The following PRDM5 variants were observed in gnomAD, a reference collection of about 807,000 sequenced individuals.
PRDM5 encodes PR domain zinc finger protein 5.
A neutral mutation model predicts 81.2 loss-of-function variants in PRDM5; 56 were observed. That is an observed-to-expected ratio of 0.69 (90% CI 0.56 to 0.86). The LOEUF (loss-of-function observed/expected upper bound fraction) is 0.86. PRDM5 is among the 40% of genes least tolerant of loss of function. PRDM5 has a pLI of 0.00. For missense variants in PRDM5, 697 were observed against 770.1 expected (o/e 0.91, Z 1.12); for synonymous variants, 267 against 256.4 (o/e 1.04, Z -0.39).
At chr4:120,756,259 T>G (rs939648146) in intron 13 of PRDM5, among the ~76,000 whole-genome samples, 1 of 152,192 alleles carries the variant, frequency 6.6e-6, no homozygotes, top group African/African-American at 2.4e-5. Flanking sequence ...TACCCTCCTT[T>G]GGGTATCTCA....
intron 3 of PRDM5, among the ~76,000 whole-genome samples, chr4:120,836,486 G>GC (rs1161515734): frequency 6.6e-6 from 1 of 152,096 alleles, no homozygotes; most frequent in African/African-American, 2.4e-5. Context: ...CACTGAGAGT[G>GC]CCCTCAATTC....
intron 2 of PRDM5, among the ~76,000 whole-genome samples, chr4:120,903,977 G>A (rs1418168748): frequency 6.6e-6 from 1 of 151,712 alleles, no homozygotes; most frequent in African/African-American, 2.4e-5. Flanking sequence ...ATCACTTCAG[G>A]TCAGGAATTC....
intron 2 of PRDM5, among the ~76,000 whole-genome samples, chr4:120,881,935 T>C (rs1213090636): frequency 6.6e-6 from 1 of 152,218 alleles, no homozygotes; most frequent in African/African-American, 2.4e-5. Context: ...CAAAAATGGC[T>C]CTTTCTTGAG....
Position 120,922,505 on chromosome 4 carries a change from G to A in PRDM5, c.93+11C>T, listed in dbSNP as rs755004272. On this transcript the variant is annotated intron_variant, in intron 1 of 15. Coordinates refer to ENST00000264808, the MANE Select transcript of PRDM5 (RefSeq NM_018699.4). ...GTGCAGGGGCGCGCAGGCCGCCGCC[G>A]GGTCACCCACCTTTCGCACTCTGCG... is the stretch of plus-strand genomic sequence containing the variant. 2.5e-6 allele frequency: 4 copies of A among 1,589,676 alleles called. No individual in the cohort carries two copies. The highest frequency in any genetic ancestry group is 3.5e-5 in the Admixed American group (2 of 57,738).
chr4:120,817,361 T>C (rs1268483301), intron 5 of PRDM5, among the ~76,000 whole-genome samples: 1 of 152,200 alleles, frequency 6.6e-6, no homozygotes, highest in Non-Finnish European at 1.5e-5. Flanking sequence ...AAATGTAGCA[T>C]ATTTCAGAAT....
intron 7 of PRDM5, among the ~76,000 whole-genome samples, chr4:120,815,453 C>T (rs17349798): frequency 0.02 from 2,992 of 152,304 alleles, 43 homozygotes; most frequent in Non-Finnish European, 0.031. Flanking sequence ...ATATGCAGCC[C>T]AAACCAATGA....
intron 14 of PRDM5, among the ~76,000 whole-genome samples, chr4:120,715,740 C>G (rs1425862040): frequency 6.6e-6 from 1 of 152,012 alleles, no homozygotes; most frequent in Non-Finnish European, 1.5e-5. Context: ...CTTGTAAGAC[C>G]AGAAGTTGTG....
chr4:120,845,461 T>C (rs1588523), intron 3 of PRDM5, among the ~76,000 whole-genome samples: 73,421 of 152,072 alleles, frequency 0.48, 18,131 homozygotes, highest in South Asian at 0.59. Flanking sequence ...ACTCTGCCTA[T>C]GTTTTATCGA....
chr4:120,711,724 G>A (rs1202157920), intron 14 of PRDM5, among the ~76,000 whole-genome samples: 1 of 152,020 alleles, frequency 6.6e-6, no homozygotes, highest in Non-Finnish European at 1.5e-5. Context: ...TTAAGGCAAA[G>A]AAGTACCTCA....
Position 120,841,362 on chromosome 4 carries a change from C to T in PRDM5, c.300+12056G>A, listed in dbSNP as rs549945714. On this transcript the variant is annotated intron_variant, in intron 3 of 15. Coordinates refer to ENST00000264808, the MANE Select transcript of PRDM5 (RefSeq NM_018699.4). ...TTCGTATTGCTCAACAGTGGCTGAA[C>T]CTTTTATGACAGTCTATTCAGGCAC... Among the ~76,000 whole-genome samples, 36 of 152,168 alleles carry T rather than the reference C, an allele frequency of 2.4e-4. No homozygotes were observed. In the South Asian group the frequency reaches 7.5e-3, roughly 32 times the overall value.
In PRDM5 at chr4:120,818,486, C is replaced by G; in HGVS notation, c.517G>C (p.Glu173Gln). The G allele has an allele frequency of 6.2e-7, 1 of 1,613,698 alleles. No homozygotes were observed. The highest frequency in any genetic ancestry group is 8.5e-7 in the Non-Finnish European group (1 of 1,179,640). ...CKEDYACPQC[E>Q]SSFTSEDILA... ...ATATCCTCACTGGTAAAACTCGATT[C>G]ACATTGAGGACAAGCATAGTCCTCT... Residue 173 changes from glutamate to glutamine, a missense_variant, in exon 5 of 16, where the codon GAA becomes CAA. Physicochemically the swap from Glu to Gln is conservative, Grantham distance 29 (BLOSUM62 2). Coordinates refer to ENST00000264808, the MANE Select transcript of PRDM5 (RefSeq NM_018699.4).
chr4:120,712,758 AT>A (rs1342060849), intron 14 of PRDM5, among the ~76,000 whole-genome samples: 4 of 152,152 alleles, frequency 2.6e-5, no homozygotes, highest in Non-Finnish European at 5.9e-5. Flanking sequence ...CCTCGCTTTC[AT>A]TTTTGTGAAC....
rs150269457 is a variant in PRDM5, at chr4:120,756,363, C to A, written c.1538-1725G>T. 8.4e-4 allele frequency among the ~76,000 whole-genome samples: 128 copies of A among 152,206 alleles called. 1 individual carries two copies. The highest frequency in any genetic ancestry group is 2.5e-3 in the African/African-American group (105 of 41,526). On this transcript the variant is annotated intron_variant, in intron 13 of 15. Coordinates refer to ENST00000264808, the MANE Select transcript of PRDM5 (RefSeq NM_018699.4). ...TAAATCCTGTCCTGATTAGTTGTAC[C>A]ACATTCACCTAGTTAGCAAATTAAA...
rs201312510 is a variant in PRDM5 at position 120,881,054 on chromosome 4, AT to A, written c.177+26419del. ...CTGTACTATAATTAAAATCAACTGA[AT>A]TTTTTTTATGTGTAAAAACATAATT... On this transcript the variant is annotated intron_variant, in intron 2 of 15. Coordinates refer to ENST00000264808, the MANE Select transcript of PRDM5 (RefSeq NM_018699.4). Among the ~76,000 whole-genome samples the A allele has an allele frequency of 8.8e-3, 1,335 of 152,152 alleles. 18 individuals carry two copies. The highest frequency in any genetic ancestry group is 0.028 in the African/African-American group (1,183 of 41,524).
intron 10 of PRDM5, among the ~76,000 whole-genome samples, chr4:120,790,269 A>G (rs1008952616): frequency 4.6e-5 from 7 of 152,176 alleles, no homozygotes; most frequent in Non-Finnish European, 8.8e-5. Context: ...GAACAAGTGT[A>G]TTCTCTCCTC....
chr4:120,921,462 G>A (rs1470695), intron 1 of PRDM5, among the ~76,000 whole-genome samples: 136,272 of 152,226 alleles, frequency 0.9, 61,224 homozygotes, highest in Non-Finnish European at 0.94. Flanking sequence ...CCCTTTTTGG[G>A]GATTACTAGC....
In PRDM5 at chr4:120,809,796, C is replaced by A. The variant is rs147467430; in HGVS notation, c.945+1574G>T. On this transcript the variant is annotated intron_variant, in intron 8 of 15. Transcript: ENST00000264808. ...AAAGTTGACTATGGATTCGGAAAGGCTGAATAGTGAAGGACTATGGCTGAA... is the reference window on the plus strand; with the variant it reads ...AAAGTTGACTATGGATTCGGAAAGGATGAATAGTGAAGGACTATGGCTGAA... Among the ~76,000 whole-genome samples the A allele has an allele frequency of 6.0e-4, 92 of 152,256 alleles. No individual in the cohort carries two copies. The East Asian group carries it at 0.016, about 26-fold the overall frequency.
chr4:120,706,413 T>C (rs1227604041), intron 15 of PRDM5, among the ~76,000 whole-genome samples: 1 of 152,012 alleles, frequency 6.6e-6, no homozygotes, highest in South Asian at 2.1e-4. Context: ...GGCTCAGATA[T>C]GTGATTTGGG....
chr4:120,707,538 A>G (rs547063430), intron 15 of PRDM5, among the ~76,000 whole-genome samples: 14 of 152,100 alleles, frequency 9.2e-5, no homozygotes. Flanking sequence ...TATAAGAGCT[A>G]AAACTATAAG....
Sources: gnomAD v4.1 joint callset for allele counts (sites outside exome capture counted in the v4.1 genomes callset) on GRCh38, gnomAD v4.1.1 for gene constraint, MANE v1.5 for transcripts, NCBI Gene and HGNC (gene_info 2026-07-23, HGNC 2026-07-21) for gene names.